Variants in PLXNC1 observed in about 807,000 individuals in gnomAD.
PLXNC1 encodes plexin C1.
A neutral mutation model predicts 178.2 loss-of-function variants in PLXNC1; 75 were observed. The observed-to-expected ratio is 0.42, with a 90% CI of 0.35 to 0.51. The LOEUF (loss-of-function observed/expected upper bound fraction) is 0.51. Ranked by LOEUF, PLXNC1 falls within the 20% of genes least tolerant of loss-of-function variation. The pLI is 0.02. For missense variants in PLXNC1, 1,503 were observed against 1,984.4 expected, an observed-to-expected ratio of 0.76 and a Z score of 4.61; for synonymous variants, 790 against 779.9, an observed-to-expected ratio of 1.01 and a Z score of -0.22.
At chr12:94,302,000 GA>G (rs1968516262) in intron 28 of PLXNC1, among the ~76,000 whole-genome samples, 1 of 152,092 alleles carries the variant, frequency 6.6e-6, no homozygotes, top group African/African-American at 2.4e-5. Flanking sequence ...TCCCTACTGG[GA>G]TAACTGCTTC....
chr12:94,217,418 A>C lies in PLXNC1; in HGVS notation c.1555-2598A>C, dbSNP rs1018728759. On this transcript the variant is annotated intron_variant, in intron 5 of 30. Coordinates refer to ENST00000258526, the MANE Select transcript of PLXNC1 (RefSeq NM_005761.3). ...TCTTATTCACTTCCATGGCTTTATA[A>C]ATCATCTGTATGTTCATGTCTCCTT... is the stretch of plus-strand genomic sequence containing the variant. Among the ~76,000 whole-genome samples the C allele has an allele frequency of 3.9e-5, 6 of 152,188 alleles. 1 individual carries two copies. Among genetic ancestry groups the C allele is most frequent in the East Asian group, 1.9e-4 (1 of 5,180 alleles).
chr12:94,152,031 C>G (rs1399690872), intron 1 of PLXNC1, among the ~76,000 whole-genome samples: 1 of 152,222 alleles, frequency 6.6e-6, no homozygotes, highest in Non-Finnish European at 1.5e-5. Flanking sequence ...CACAGCATTT[C>G]TTGCTGCTAT....
chr12:94,203,123 T>A (rs1230631415), intron 4 of PLXNC1, among the ~76,000 whole-genome samples: 3 of 152,066 alleles, frequency 2.0e-5, no homozygotes. Context: ...TTAGAATTCG[T>A]TTGGGTACAA....
At chr12:94,271,857 G>T (rs1236071062) in intron 21 of PLXNC1, among the ~76,000 whole-genome samples, 1 of 152,164 alleles carries the variant, frequency 6.6e-6, no homozygotes, top group Non-Finnish European at 1.5e-5. Flanking sequence ...TGATGATGTG[G>T]GATGTGGGGG....
chr12:94,184,615 G>A (rs1264736914), intron 3 of PLXNC1, among the ~76,000 whole-genome samples: 2 of 151,626 alleles, frequency 1.3e-5, no homozygotes, highest in African/African-American at 2.4e-5. Flanking sequence ...TAGAGACAGA[G>A]TTGGCCAGAC....
chr12:94,181,882 A>G (rs905246534), intron 3 of PLXNC1, among the ~76,000 whole-genome samples: 1 of 152,122 alleles, frequency 6.6e-6, no homozygotes, highest in Non-Finnish European at 1.5e-5. Context: ...GAATTTACAC[A>G]TTTATTGTGT....
intron 15 of PLXNC1, among the ~76,000 whole-genome samples, chr12:94,251,963 A>C (rs1361526418): frequency 6.6e-6 from 1 of 152,232 alleles, no homozygotes. Context: ...ACTGCACTCC[A>C]GCCTGGGTGA....
chr12:94,274,155 T>TGA (rs1190908348), intron 21 of PLXNC1, among the ~76,000 whole-genome samples: 3 of 45,370 alleles, frequency 6.6e-5, no homozygotes, highest in East Asian at 2.1e-3. Context: ...ACCCTGTCTC[T>TGA]AAAAAAAAAA....
At chr12:94,200,913 A>G (rs1963096433) in intron 4 of PLXNC1, among the ~76,000 whole-genome samples, 1 of 152,236 alleles carries the variant, frequency 6.6e-6, no homozygotes, top group African/African-American at 2.4e-5. Context: ...CCACCACGCC[A>G]GTGAACAGGC....
chr12:94,183,249 C>T (rs1962391251), intron 3 of PLXNC1, among the ~76,000 whole-genome samples: 1 of 152,210 alleles, frequency 6.6e-6, no homozygotes, highest in Non-Finnish European at 1.5e-5. Flanking sequence ...TTCTGGTATT[C>T]TTATAAAGAC....
chr12:94,296,274 C>T (rs1468300159), intron 24 of PLXNC1, among the ~76,000 whole-genome samples: 3 of 152,192 alleles, frequency 2.0e-5, no homozygotes, highest in Non-Finnish European at 4.4e-5. Flanking sequence ...GATCCTCCCA[C>T]CTCAGCCTCC....
At chr12:94,261,954 C>G (rs1965000409) in intron 20 of PLXNC1, among the ~76,000 whole-genome samples, 1 of 152,166 alleles carries the variant, frequency 6.6e-6, no homozygotes, top group Non-Finnish European at 1.5e-5. Context: ...GCCTTCTTTT[C>G]TGTTTACTTG....
At chr12:94,247,560 CT>C (rs1964563457) in intron 12 of PLXNC1, among the ~76,000 whole-genome samples, 1 of 152,192 alleles carries the variant, frequency 6.6e-6, no homozygotes, top group Non-Finnish European at 1.5e-5. Context: ...TCCCCTTTCC[CT>C]AGCCTACTGC....
intron 6 of PLXNC1, among the ~76,000 whole-genome samples, chr12:94,220,397 G>T (rs1271870147): frequency 1.3e-5 from 2 of 152,158 alleles, no homozygotes; most frequent in Non-Finnish European, 2.9e-5. Context: ...AGGGCAAGTT[G>T]GATAGGAGAG....
At chr12:94,157,230 G>T (rs1451577249) in intron 1 of PLXNC1, among the ~76,000 whole-genome samples, 11 of 152,196 alleles carry the variant, frequency 7.2e-5, no homozygotes, top group Admixed American at 7.2e-4. Flanking sequence ...TCCCCAGCAG[G>T]TGCTGCAGGT....
At chr12:94,180,120 A>T (rs1369858843) in intron 2 of PLXNC1, among the ~76,000 whole-genome samples, 1 of 152,128 alleles carries the variant, frequency 6.6e-6, no homozygotes, top group Non-Finnish European at 1.5e-5. Context: ...AAGCCCTGCC[A>T]TGGCCTCCTC....
At position 94,186,442 on chromosome 12, in the gene PLXNC1, C is replaced by G; in HGVS notation, c.1408C>G (p.Pro470Ala). The G allele has an allele frequency of 6.2e-7, 1 of 1,613,484 alleles. No individual in the cohort carries two copies. Among genetic ancestry groups the G allele is most frequent in the South Asian group, 1.1e-5 (1 of 91,076 alleles). ...SCSECLTATDPHCGWCHSLQR... is the reference protein window; with the variant it reads ...SCSECLTATDAHCGWCHSLQR... ...TTCGGAGTGTTTAACAGCCACAGAC[C>G]CTCACTGCGGTTGGTGCCATTCGCT... The change falls in exon 4 of 31, where the codon CCT (proline) becomes GCT (alanine). Residue 470 changes from proline (P) to alanine (A), a missense_variant. This residue lies in a region of PLXNC1 where 615 missense variants were observed against 698.6 expected (regional missense o/e 0.88). Coordinates refer to ENST00000258526, the MANE Select transcript of PLXNC1 (RefSeq NM_005761.3).
intron 21 of PLXNC1, among the ~76,000 whole-genome samples, chr12:94,268,112 A>T (rs1191246965): frequency 6.6e-6 from 1 of 152,172 alleles, no homozygotes; most frequent in Non-Finnish European, 1.5e-5. Flanking sequence ...ACACGTTTGG[A>T]AAAAAGGCCC....
At position 94,214,242 on chromosome 12, in the gene PLXNC1, A is replaced by G. The variant is rs1963578727; in HGVS notation, c.1554+4538A>G. On this transcript the variant is annotated intron_variant, in intron 5 of 30. Coordinates refer to ENST00000258526, the MANE Select transcript of PLXNC1 (RefSeq NM_005761.3). ...TGGGACTACAGGTGTGAACCACCAC[A>G]CCCAGCTAATTTTTAAAAATTTTTT... 2.7e-5 allele frequency among the ~76,000 whole-genome samples: 4 copies of G among 150,868 alleles called. No homozygotes were observed. In the South Asian group the frequency reaches 8.4e-4, roughly 32 times the overall value.
Sources: gnomAD v4.1 joint callset for allele counts (sites outside exome capture counted in the v4.1 genomes callset) on GRCh38, gnomAD v4.1.1 for gene constraint, gnomAD v4.1.1 regional missense constraint, MANE v1.5 for transcripts, NCBI Gene and HGNC (gene_info 2026-07-23, HGNC 2026-07-21) for gene names.